VCL: variants seen among roughly 807,000 people sequenced by gnomAD.
The protein encoded by VCL is epididymis luminal protein 114.
VCL carries 47 observed loss-of-function variants against 125.7 expected under a neutral mutation model. The ratio of observed to expected loss-of-function variants is 0.37; its 90% CI spans 0.30 to 0.48. The LOEUF (loss-of-function observed/expected upper bound fraction) is 0.48, where lower values mean the gene tolerates loss of function less well. VCL is among the 20% of genes least tolerant of loss of function. The pLI, the probability that VCL is intolerant of heterozygous loss-of-function variation, is 0.99. For missense variants in VCL, 1,069 were observed against 1,455.5 expected, an observed-to-expected ratio of 0.73 and a Z score of 4.32; for synonymous variants, 458 against 514.6, an observed-to-expected ratio of 0.89 and a Z score of 1.49.
chr10:73,998,303 G>C lies in VCL; in HGVS notation c.96G>C (p.Val32=). Residue 32 remains valine (V), a synonymous_variant, in exon 1 of 22, where the codon GTG becomes GTC. Coordinates refer to ENST00000211998, the MANE Select transcript of VCL (RefSeq NM_014000.3). ...TGATAATGCACGAGGAGGGCGAGGT[G>C]GACGGCAAAGCCATTCCTGACCTCA... The part of the protein sequence containing the change: ...HLVIMHEEGE[V]DGKAIPDLTA... The C allele has an allele frequency of 6.3e-7, 1 of 1,595,190 alleles. No individual in the cohort carries two copies. Among genetic ancestry groups the C allele is most frequent in the Non-Finnish European group, 8.5e-7 (1 of 1,170,508 alleles).
chr10:74,116,038 G>C (rs555549022), intron 21 of VCL, among the ~76,000 whole-genome samples: 11 of 152,286 alleles, frequency 7.2e-5, no homozygotes, highest in African/African-American at 2.6e-4. Flanking sequence ...GCCACACGAG[G>C]CTCATCACAC....
In VCL at chr10:74,046,236, C is replaced by T. The variant is rs116164897; in HGVS notation, c.239+3083C>T. On this transcript the variant is annotated intron_variant, in intron 2 of 21. Transcript: ENST00000211998. ...GAGCCTATTTTGTTTACATGCCATC[C>T]GATCAGCCTGGTAATATATATATAT... Among the ~76,000 whole-genome samples the T allele has an allele frequency of 5.3e-3, 801 of 152,144 alleles. 5 individuals are homozygous for T. Among genetic ancestry groups the T allele is most frequent in the African/African-American group, 0.018 (743 of 41,486 alleles).
chr10:74,068,618 C>T (rs1013458239), intron 2 of VCL, among the ~76,000 whole-genome samples: 3 of 152,152 alleles, frequency 2.0e-5, no homozygotes, highest in Non-Finnish European at 2.9e-5. Context: ...AGCCACCATG[C>T]GCGGCCCTCT....
At chr10:74,060,970 GA>G (rs1351296033) in intron 2 of VCL, among the ~76,000 whole-genome samples, 12 of 152,030 alleles carry the variant, frequency 7.9e-5, no homozygotes, top group African/African-American at 2.2e-4. Flanking sequence ...TATAGCATAA[GA>G]TTTTTTTTCT....
chr10:74,089,205 A>T lies in VCL; in HGVS notation c.1032A>T (p.Gly344=), dbSNP rs1272452761. 3.7e-6 allele frequency: 6 copies of T among 1,613,960 alleles called. No homozygotes were observed. In the Admixed American group the frequency reaches 1.0e-4, roughly 27 times the overall value. ...TGTCTGTTTTGAGCAGAGGACAAGG[A>T]TCCTCACCGGTGGCCATGCAGAAAG... is the stretch of plus-strand genomic sequence containing the variant. ...QVADLRARGQ[G]SSPVAMQKAQ... The change falls in exon 9 of 22, where the codon GGA becomes GGT. Residue 344 remains glycine (G), a synonymous_variant. Coordinates refer to ENST00000211998, the MANE Select transcript of VCL (RefSeq NM_014000.3).
At chr10:74,108,825 C>T (rs1840176631) in intron 17 of VCL, 146 bp from the exon 18 acceptor site, 1 of 839,748 alleles carries the variant, frequency 1.2e-6, no homozygotes, top group East Asian at 2.4e-5. Flanking sequence ...GAGATTGAAG[C>T]AGGTGGTCCT....
In VCL at chr10:74,091,116, T is replaced by C. The variant is rs564485189; in HGVS notation, c.1352+918T>C. Among the ~76,000 whole-genome samples, 240 of 152,296 alleles carry C rather than the reference T, an allele frequency of 1.6e-3. 1 individual carries two copies. Among genetic ancestry groups the C allele is most frequent in the Non-Finnish European group, 2.9e-3 (199 of 68,026 alleles). Reference sequence around the variant, plus strand: ...GCACCTAACTGCTTTCTTCTTTCAATAGATATTTTTCACTTTTAAGAAAAA... The same window carrying C: ...GCACCTAACTGCTTTCTTCTTTCAACAGATATTTTTCACTTTTAAGAAAAA... On this transcript the variant is annotated intron_variant, in intron 10 of 21. Transcript: ENST00000211998.
intron 1 of VCL, among the ~76,000 whole-genome samples, chr10:74,007,156 A>T (rs1840335423): frequency 6.6e-6 from 1 of 151,994 alleles, no homozygotes; most frequent in South Asian, 2.1e-4. Context: ...GTATTTAAAC[A>T]AATATCCAAA....
At chr10:74,000,296 C>G (rs1261673490) in intron 1 of VCL, among the ~76,000 whole-genome samples, 1 of 137,720 alleles carries the variant, frequency 7.3e-6, no homozygotes, top group Non-Finnish European at 1.5e-5. Flanking sequence ...GGGTCTCGCT[C>G]TGTCACGCAG....
chr10:74,071,608 TATAAACG>T lies in VCL; in HGVS notation c.499+526_499+532del, dbSNP rs1321804610. Among the ~76,000 whole-genome samples, 1 of 152,234 alleles carries T rather than the reference TATAAACG, an allele frequency of 6.6e-6. No individual in the cohort carries two copies. Among genetic ancestry groups the T allele is most frequent in the Non-Finnish European group, 1.5e-5 (1 of 68,036 alleles). On this transcript the variant is annotated intron_variant, in intron 4 of 21. Coordinates refer to ENST00000211998, the MANE Select transcript of VCL (RefSeq NM_014000.3). This position sits in a 1 kb window ranked among gnomAD's most constrained non-coding sequence, Gnocchi z 4.1. ...ATCTGAGCATTAAATATTCAAAATA[TATAAACG>T]GATACCAGCTTTTGATGTTACAGAC... is the stretch of plus-strand genomic sequence containing the variant.
At chr10:74,069,963 TTTAA>T (rs1262683068) in intron 2 of VCL, among the ~76,000 whole-genome samples, 1 of 152,204 alleles carries the variant, frequency 6.6e-6, no homozygotes, top group Non-Finnish European at 1.5e-5. Context: ...AATAGTGACC[TTTAA>T]TTAACAATAT....
At position 74,111,505 on chromosome 10, in the gene VCL, C is replaced by T. The variant is rs952802776; in HGVS notation, c.2746-404C>T. On this transcript the variant is annotated intron_variant, in intron 18 of 21. Coordinates refer to ENST00000211998, the MANE Select transcript of VCL (RefSeq NM_014000.3). ...TTGTGTGGCTGCATTTACTTTTTCT[C>T]TCCGGATTCCTTTTAAAGGTAATTT... Among the ~76,000 whole-genome samples the T allele has an allele frequency of 1.8e-4, 27 of 152,168 alleles. 1 individual carries two copies. Among genetic ancestry groups the T allele is most frequent in the Admixed American group, 1.1e-3 (17 of 15,278 alleles).
rs34837874 is a variant in VCL at position 74,105,912 on chromosome 10, CT to C, written c.2434+581del. Among the ~76,000 whole-genome samples the C allele has an allele frequency of 6.4e-3, 452 of 70,096 alleles. 37 individuals are homozygous for C. Among genetic ancestry groups the C allele is most frequent in the African/African-American group, 0.011 (181 of 16,232 alleles). 46.0% of individuals were successfully genotyped at this position (70,096 alleles called of 152,430 possible). A position where few individuals can be genotyped will look rare whatever the true frequency, so the allele number is the denominator to read the frequency against. The stretch of plus-strand genomic sequence containing the variant: ...TGAGCCACCGTGCCCAACCTCTGCG[CT>C]TTTTTTTTTTTTTTTTTTTTTGAGA... On this transcript the variant is annotated intron_variant, in intron 16 of 21. Coordinates refer to ENST00000211998, the MANE Select transcript of VCL (RefSeq NM_014000.3).
chr10:74,046,237 G>T (rs1005209154), intron 2 of VCL, among the ~76,000 whole-genome samples: 1 of 152,010 alleles, frequency 6.6e-6, no homozygotes, highest in Non-Finnish European at 1.5e-5. Flanking sequence ...CATGCCATCC[G>T]ATCAGCCTGG....
chr10:74,016,606 G>C (rs1476968760), intron 1 of VCL, among the ~76,000 whole-genome samples: 2 of 152,124 alleles, frequency 1.3e-5, no homozygotes, highest in Non-Finnish European at 2.9e-5. Flanking sequence ...AAAAAATCTG[G>C]TGAAATGTGA....
intron 1 of VCL, among the ~76,000 whole-genome samples, chr10:74,020,019 C>T (rs973923146): frequency 1.0e-4 from 15 of 150,512 alleles, no homozygotes; most frequent in Admixed American, 2.7e-4. Flanking sequence ...GCCGAGATCG[C>T]GACATTGCAC....
intron 1 of VCL, among the ~76,000 whole-genome samples, chr10:74,003,621 T>C (rs1840268651): frequency 6.6e-6 from 1 of 152,220 alleles, no homozygotes; most frequent in Non-Finnish European, 1.5e-5. Flanking sequence ...TTGACTTTTA[T>C]GGGCCTCACT....
intron 1 of VCL, among the ~76,000 whole-genome samples, chr10:74,038,539 C>A (rs1166113960): frequency 6.6e-6 from 1 of 152,208 alleles, no homozygotes; most frequent in Non-Finnish European, 1.5e-5. Flanking sequence ...ATTGAGCAAT[C>A]ATGGATACTA....
intron 18 of VCL, among the ~76,000 whole-genome samples, chr10:74,111,357 T>C (rs1319107567): frequency 6.6e-6 from 1 of 152,206 alleles, no homozygotes; most frequent in Non-Finnish European, 1.5e-5. Context: ...TTTTAACTCA[T>C]GAAGGAAATA....
Sources: gnomAD v4.1 joint callset for allele counts (sites outside exome capture counted in the v4.1 genomes callset) on GRCh38, gnomAD v4.1.1 for gene constraint, Gnocchi (gnomAD v3.1) non-coding constraint, MANE v1.5 for transcripts, NCBI Gene and HGNC (gene_info 2026-07-23, HGNC 2026-07-21) for gene names.